The following PTPN9 variants were observed in gnomAD, a reference collection of about 807,000 sequenced individuals.
The protein encoded by PTPN9 is tyrosine-protein phosphatase non-receptor type 9.
A neutral mutation model predicts 69.8 loss-of-function variants in PTPN9; 26 were observed. The observed-to-expected ratio is 0.37, with a 90% confidence interval of 0.27 to 0.52. The LOEUF is 0.52. Among genes scored for constraint, PTPN9 ranks in the 20% least tolerant of loss-of-function variants. The pLI, the probability that PTPN9 is intolerant of heterozygous loss-of-function variation, is 0.91. For missense variants in PTPN9, 549 were observed against 740.3 expected (o/e 0.74, Z 3.00); for synonymous variants, 274 against 272.5 (o/e 1.01, Z -0.05).
At chr15:75,481,302 C>T (rs1397413515) in intron 8 of PTPN9, among the ~76,000 whole-genome samples, 15 of 76,606 alleles carry the variant, frequency 2.0e-4, no homozygotes, top group African/African-American at 7.0e-4. Context: ...AAGTGAGGAG[C>T]GTCTCCGCCG....
chr15:75,514,531 A>AT (rs2074860113), intron 5 of PTPN9, among the ~76,000 whole-genome samples: 1 of 152,218 alleles, frequency 6.6e-6, no homozygotes, highest in Admixed American at 6.5e-5. Flanking sequence ...GTGAGCCAAG[A>AT]TCGTGCCACT....
chr15:75,562,494 C>T (rs773070291), intron 1 of PTPN9, among the ~76,000 whole-genome samples: 2 of 152,182 alleles, frequency 1.3e-5, no homozygotes, highest in African/African-American at 4.8e-5. Flanking sequence ...TGAGTCTCAG[C>T]GCTTCTACTG....
At chr15:75,565,972 G>T (rs1446112206) in intron 1 of PTPN9, among the ~76,000 whole-genome samples, 1 of 152,086 alleles carries the variant, frequency 6.6e-6, no homozygotes, top group Non-Finnish European at 1.5e-5. Flanking sequence ...TTATTTCAAT[G>T]CTACAAAGTC....
At chr15:75,530,681 AT>A (rs35957018) in intron 1 of PTPN9, among the ~76,000 whole-genome samples, 2,936 of 35,826 alleles carry the variant, frequency 0.082, 884 homozygotes, top group African/African-American at 0.32. Flanking sequence ...TATATATATT[AT>A]TATATTATAA....
At chr15:75,534,149 C>T (rs1567509060) in intron 1 of PTPN9, among the ~76,000 whole-genome samples, 1 of 152,148 alleles carries the variant, frequency 6.6e-6, no homozygotes, top group Non-Finnish European at 1.5e-5. Context: ...ATTTCCTCAC[C>T]TTGAATGAGA....
chr15:75,563,180 A>G (rs2141341907), intron 1 of PTPN9, among the ~76,000 whole-genome samples: 1 of 152,068 alleles, frequency 6.6e-6, no homozygotes, highest in East Asian at 1.9e-4. Flanking sequence ...GTGATAATGT[A>G]TGGCATTTTT....
rs1273358209 is a variant in PTPN9 at position 75,469,928 on chromosome 15, T to C, written c.1431A>G (p.Ala477=). The part of the protein sequence containing the change: ...SWPDYGVPSS[A]ASLIDFLRVV... ...CTCTCAAGAAGTCAATGAGGGAAGC[T>C]GCTGAGGAAGGGACACCATAGTCTG... is the stretch of plus-strand genomic sequence containing the variant. The change falls in exon 12 of 13, where the codon GCA becomes GCG. Residue 477 remains alanine (A), a synonymous_variant. Transcript: ENST00000618819. The C allele has an allele frequency of 1.2e-6, 2 of 1,614,194 alleles. No homozygotes were observed. The highest frequency in any genetic ancestry group is 2.2e-5 in the South Asian group (2 of 91,082).
chr15:75,511,604 G>A (rs770042212), intron 5 of PTPN9, among the ~76,000 whole-genome samples: 1 of 152,106 alleles, frequency 6.6e-6, no homozygotes, highest in Non-Finnish European at 1.5e-5. Context: ...GGTATGAGAT[G>A]TAGGAATCTG....
At chr15:75,573,255 G>C (rs1484533269) in intron 1 of PTPN9, among the ~76,000 whole-genome samples, 1 of 152,140 alleles carries the variant, frequency 6.6e-6, no homozygotes, top group African/African-American at 2.4e-5. Flanking sequence ...TTCCAATCTT[G>C]GGAGGGACGA....
intron 9 of PTPN9, among the ~76,000 whole-genome samples, chr15:75,474,444 G>A (rs1037596298): frequency 6.6e-6 from 1 of 152,050 alleles, no homozygotes; most frequent in African/African-American, 2.4e-5. Context: ...GCTTGACCCC[G>A]GGAGGTGGAG....
At position 75,578,715 on chromosome 15, in the gene PTPN9, TG is replaced by T; in HGVS notation, c.61del (p.Gln21ArgfsTer42). The T allele has an allele frequency of 7.3e-7, 1 of 1,370,974 alleles. No homozygotes were observed. The highest frequency in any genetic ancestry group is 9.4e-7 in the Non-Finnish European group (1 of 1,059,018). The allele number at this position is 1,370,974 out of a possible 1,614,324, so 84.9% of individuals were successfully genotyped here. A position where few individuals can be genotyped will look rare whatever the true frequency, so the allele number is the denominator to read the frequency against. Reference sequence around the variant, plus strand: ...CGCGGCGGCCTCGGGCCCGCTTACCTGCTCCTCCTCCGGGGTCAGCTCCGGC... The same window carrying T: ...CGCGGCGGCCTCGGGCCCGCTTACCTCTCCTCCTCCGGGGTCAGCTCCGGC... Reference protein sequence around the residue: ...MAPELTPEEEQATKQFLEEIN... With the variant: ...MAPELTPEEEXATKQFLEEIN... On this transcript the variant is annotated frameshift_variant and splice_region_variant, in exon 1 of 13. Transcript: ENST00000618819. LOFTEE classifies it high-confidence loss of function.
At chr15:75,514,793 T>C (rs1029148542) in intron 5 of PTPN9, among the ~76,000 whole-genome samples, 1 of 152,116 alleles carries the variant, frequency 6.6e-6, no homozygotes, top group African/African-American at 2.4e-5. Context: ...AGCTAACGAA[T>C]ATATGAAGAT....
chr15:75,509,485 T>C (rs1326398574), intron 5 of PTPN9, among the ~76,000 whole-genome samples: 3 of 152,108 alleles, frequency 2.0e-5, no homozygotes, highest in Non-Finnish European at 4.4e-5. Context: ...GGTTGGGAGT[T>C]CAAGACCAGC....
intron 6 of PTPN9, among the ~76,000 whole-genome samples, chr15:75,506,286 G>A (rs1368689200): frequency 6.6e-6 from 1 of 152,142 alleles, no homozygotes; most frequent in Non-Finnish European, 1.5e-5. Flanking sequence ...GTGAACAAAA[G>A]CTTTATATTA....
At chr15:75,558,489 AAG>A (rs1440680410) in intron 1 of PTPN9, among the ~76,000 whole-genome samples, 2 of 151,922 alleles carry the variant, frequency 1.3e-5, no homozygotes, top group Non-Finnish European at 2.9e-5. Context: ...CCTGGGTGAC[AAG>A]AGTGAGACTC....
At chr15:75,555,641 A>C (rs982013002) in intron 1 of PTPN9, among the ~76,000 whole-genome samples, 2 of 151,912 alleles carry the variant, frequency 1.3e-5, no homozygotes, top group Admixed American at 6.6e-5. Flanking sequence ...AGTAGCTGGG[A>C]TTACAGGCGT....
At chr15:75,476,479 T>TACTTTTTGTAGTTTTAG (rs1434655465) in intron 9 of PTPN9, among the ~76,000 whole-genome samples, 2 of 152,174 alleles carry the variant, frequency 1.3e-5, no homozygotes, top group Non-Finnish European at 2.9e-5. Flanking sequence ...TACGCTCGGC[T>TACTTTTTGTAGTTTTAG]ACTTTTTGTA....
chr15:75,547,776 C>T (rs1828147844), intron 1 of PTPN9, among the ~76,000 whole-genome samples: 1 of 151,886 alleles, frequency 6.6e-6, no homozygotes, highest in Admixed American at 6.6e-5. Context: ...AGCAATTCTC[C>T]TGCCTCAGCC....
chr15:75,493,116 C>G (rs868776302), intron 7 of PTPN9, among the ~76,000 whole-genome samples: 50 of 152,136 alleles, frequency 3.3e-4, no homozygotes, highest in Non-Finnish European at 1.5e-4. Flanking sequence ...GATTGCATCC[C>G]TGCACTCCAC....
Sources: allele counts gnomAD v4.1 joint callset (sites outside exome capture counted in the v4.1 genomes callset), GRCh38; gene constraint gnomAD v4.1.1; transcripts MANE v1.5; gene names NCBI Gene and HGNC (gene_info 2026-07-23, HGNC 2026-07-21).